The following RBKS variants were observed in gnomAD, a reference collection of about 807,000 sequenced individuals.
RBKS encodes the protein ribokinase.
In RBKS, 33 loss-of-function variants were observed where a neutral mutation model predicts 33.9. The ratio of observed to expected loss-of-function variants is 0.97; its 90% confidence interval spans 0.74 to 1.30. RBKS has a LOEUF of 1.30. RBKS is among the 50% of genes most tolerant of loss of function. The pLI, the probability that RBKS is intolerant of heterozygous loss-of-function variation, is 0.00. For missense variants in RBKS, 361 were observed against 392.6 expected, an observed-to-expected ratio of 0.92 and a Z score of 0.68; for synonymous variants, 125 against 143.0, an observed-to-expected ratio of 0.87 and a Z score of 0.90.
intron 7 of RBKS, among the ~76,000 whole-genome samples, chr2:27,812,019 C>A (rs902185264): frequency 3.3e-5 from 5 of 152,246 alleles, no homozygotes; most frequent in Admixed American, 3.3e-4. Context: ...TTTATACTAC[C>A]TTTTGAGAAG....
chr2:27,875,372 A>G (rs1442671581), intron 1 of RBKS, among the ~76,000 whole-genome samples: 2 of 152,170 alleles, frequency 1.3e-5, no homozygotes, highest in Admixed American at 6.5e-5. Context: ...ACATGGCGAG[A>G]CCTTGTCTCA....
chr2:27,827,935 C>G, intron 6 of RBKS, among the ~76,000 whole-genome samples, 180 bp from the exon 7 acceptor site: 1 of 152,142 alleles, frequency 6.6e-6, no homozygotes, highest in East Asian at 1.9e-4. Flanking sequence ...CAAAAACCAT[C>G]AATGAAAGAC....
At chr2:27,858,605 A>C in intron 1 of RBKS, 34 bp from the exon 2 acceptor site, 1 of 1,594,582 alleles carries the variant, frequency 6.3e-7, no homozygotes, top group Middle Eastern at 2.1e-4. Context: ...AAAAAAGCAT[A>C]TTGGTAACTG....
rs757890865 is a variant in RBKS, at chr2:27,781,609, T to C, written c.*6A>G. 8.7e-6 allele frequency: 14 copies of C among 1,603,034 alleles called. No homozygotes were observed. The highest frequency in any genetic ancestry group is 3.4e-5 in the Admixed American group (2 of 58,362). ...CCAGGTATATTTATTTTGGGACTAA[T>C]AGCAATCAAAACAGAGTAAGCGGAA... is the stretch of plus-strand genomic sequence containing the variant. On this transcript the variant is annotated 3_prime_UTR_variant, in exon 8 of 8. Coordinates refer to ENST00000302188, the MANE Select transcript of RBKS (RefSeq NM_022128.3).
rs186719703 is a variant in RBKS, at chr2:27,815,368, G to C, written c.795+12199C>G. ...GACTACAGACGTGTGCCACCATGCT[G>C]GCTAACTTTTTTTGTCGAAATGGGG... On this transcript the variant is annotated intron_variant, in intron 7 of 7. Coordinates refer to ENST00000302188, the MANE Select transcript of RBKS (RefSeq NM_022128.3). Among the ~76,000 whole-genome samples, 10 of 152,170 alleles carry C rather than the reference G, an allele frequency of 6.6e-5. No individual in the cohort carries two copies. In the East Asian group the frequency reaches 1.9e-3, roughly 29 times the overall value.
intron 7 of RBKS, among the ~76,000 whole-genome samples, chr2:27,804,617 G>A (rs1677861240): frequency 6.6e-6 from 1 of 152,190 alleles, no homozygotes; most frequent in Non-Finnish European, 1.5e-5. Flanking sequence ...TGGCCAGGTG[G>A]TTCTGTGTTA....
At chr2:27,830,254 A>G (rs1394913748) in intron 6 of RBKS, among the ~76,000 whole-genome samples, 1 of 152,070 alleles carries the variant, frequency 6.6e-6, no homozygotes, top group Admixed American at 6.5e-5. Flanking sequence ...GAGTTCATCT[A>G]TAAGAACATT....
intron 7 of RBKS, among the ~76,000 whole-genome samples, chr2:27,802,971 A>ATTTTTC (rs1405610870): frequency 1.3e-5 from 2 of 152,012 alleles, no homozygotes; most frequent in African/African-American, 2.4e-5. Flanking sequence ...TCAAATCTGA[A>ATTTTTC]TTTTTCTTTT....
intron 1 of RBKS, 46 bp from the exon 2 acceptor site, chr2:27,858,617 A>G (rs886898197): frequency 5.1e-6 from 8 of 1,567,338 alleles, no homozygotes; most frequent in Non-Finnish European, 7.0e-6. Context: ...TGGTAACTGT[A>G]ATCAATTTAA....
At chr2:27,832,546 C>A (rs1047164449) in intron 6 of RBKS, 140 bp downstream of exon 6, 1 of 660,070 alleles carries the variant, frequency 1.5e-6, no homozygotes, top group East Asian at 2.8e-5. Flanking sequence ...CTCCACACCC[C>A]GGTAAACTGA....
intron 7 of RBKS, among the ~76,000 whole-genome samples, chr2:27,813,139 A>G (rs1279907774): frequency 1.3e-5 from 2 of 152,192 alleles, no homozygotes; most frequent in African/African-American, 4.8e-5. Context: ...CTCCTGGGGC[A>G]GCAGGCAGAA....
At chr2:27,854,450 T>C (rs1287606221) in intron 2 of RBKS, among the ~76,000 whole-genome samples, 2 of 152,202 alleles carry the variant, frequency 1.3e-5, no homozygotes, top group Non-Finnish European at 2.9e-5. Flanking sequence ...CATGGTGCAA[T>C]GAAGACGCTG....
At chr2:27,811,092 AGC>A (rs1390813666) in intron 7 of RBKS, among the ~76,000 whole-genome samples, 19 of 152,214 alleles carry the variant, frequency 1.2e-4, no homozygotes, top group African/African-American at 4.6e-4. Flanking sequence ...TGCTCCCTTT[AGC>A]TGCTTCATGA....
At chr2:27,809,860 C>A in intron 7 of RBKS, 2 of 1,169,526 alleles carry the variant, frequency 1.7e-6, no homozygotes, top group Admixed American at 2.6e-5. Context: ...TCCACTTCTG[C>A]TGATGCACAA....
At chr2:27,852,339 T>C (rs770891575) in intron 2 of RBKS, among the ~76,000 whole-genome samples, 3 of 152,242 alleles carry the variant, frequency 2.0e-5, no homozygotes, top group Admixed American at 1.3e-4. Flanking sequence ...CACATGTGGC[T>C]AGTGGCTTCT....
chr2:27,838,242 C>T (rs779421761), intron 5 of RBKS, among the ~76,000 whole-genome samples: 17 of 151,852 alleles, frequency 1.1e-4, no homozygotes, highest in African/African-American at 2.2e-4. Context: ...GCACATGTAC[C>T]CCCGTGTCTA....
chr2:27,869,540 C>T (rs1664162030), intron 1 of RBKS, among the ~76,000 whole-genome samples: 1 of 152,100 alleles, frequency 6.6e-6, no homozygotes, highest in African/African-American at 2.4e-5. Context: ...CTTTTTGGCA[C>T]CAGGGACTGG....
chr2:27,848,838 C>CA (rs58195900), intron 2 of RBKS, among the ~76,000 whole-genome samples: 28,241 of 95,266 alleles, frequency 0.3, 3,771 homozygotes, highest in East Asian at 0.67. Flanking sequence ...GAGACTGTCT[C>CA]AAAAAAAAAA....
intron 1 of RBKS, among the ~76,000 whole-genome samples, chr2:27,878,129 C>A (rs1278398865): frequency 1.3e-5 from 2 of 151,752 alleles, no homozygotes; most frequent in Admixed American, 1.3e-4. Flanking sequence ...GTGCTGCACC[C>A]ATTAACTCGT....
Sources: gnomAD v4.1 joint callset for allele counts (sites outside exome capture counted in the v4.1 genomes callset) on GRCh38, gnomAD v4.1.1 for gene constraint, MANE v1.5 for transcripts, NCBI Gene and HGNC (gene_info 2026-07-23, HGNC 2026-07-21) for gene names.